ADAMTS3: variants seen among roughly 807,000 people sequenced by gnomAD.
ADAMTS3 encodes the protein ADAM metallopeptidase with thrombospondin type 1 motif 3, also known as A disintegrin and metalloproteinase with thrombospondin motifs 3.
Under a neutral mutation model 129.0 loss-of-function variants are expected in ADAMTS3, and 73 were observed. The ratio of observed to expected loss-of-function variants is 0.57; its 90% CI spans 0.47 to 0.69. The LOEUF is 0.69. Ranked by LOEUF, ADAMTS3 falls within the 30% of genes least tolerant of loss-of-function variation. ADAMTS3 has a pLI of 0.00. For synonymous variants in ADAMTS3, 477 were observed against 510.8 expected, an observed-to-expected ratio of 0.93 and a Z score of 0.89; for missense variants, 1,457 against 1,514.5, an observed-to-expected ratio of 0.96 and a Z score of 0.63.
chr4:72,470,568 T>A (rs1719046643), intron 3 of ADAMTS3, among the ~76,000 whole-genome samples: 1 of 151,902 alleles, frequency 6.6e-6, no homozygotes, highest in Admixed American at 6.6e-5. Context: ...TCTCGAAATT[T>A]AACCTGTGAA....
chr4:72,513,792 A>G (rs1720378977), intron 3 of ADAMTS3, among the ~76,000 whole-genome samples: 1 of 152,136 alleles, frequency 6.6e-6, no homozygotes, highest in Non-Finnish European at 1.5e-5. Context: ...TCACCCACAT[A>G]GAGAACATTG....
At chr4:72,387,869 C>CA (rs138949703) in intron 4 of ADAMTS3, among the ~76,000 whole-genome samples, 13,380 of 146,336 alleles carry the variant, frequency 0.091, 1,156 homozygotes, top group Admixed American at 0.23. Context: ...TAACAAAAGA[C>CA]AAAAAAAAAA....
chr4:72,538,829 G>T lies in ADAMTS3; in HGVS notation c.504+9649C>A, dbSNP rs1721245922. ...CTAAAGATAAACATATGCAGCAGTG[G>T]AATAGAATAGAAAGTCCAGAAATAA... On this transcript the variant is annotated intron_variant, in intron 3 of 21. Transcript: ENST00000286657. Among the ~76,000 whole-genome samples the T allele has an allele frequency of 1.3e-5, 2 of 152,060 alleles. 1 individual carries two copies. Among genetic ancestry groups the T allele is most frequent in the African/African-American group, 4.8e-5 (2 of 41,396 alleles).
intron 3 of ADAMTS3, among the ~76,000 whole-genome samples, chr4:72,419,894 A>T (rs1312503842): frequency 2.0e-5 from 3 of 152,164 alleles, no homozygotes; most frequent in African/African-American, 7.2e-5. Flanking sequence ...AAATAAATAA[A>T]AAAGAATGTT....
chr4:72,460,075 G>A (rs1718721292), intron 3 of ADAMTS3, among the ~76,000 whole-genome samples: 1 of 151,364 alleles, frequency 6.6e-6, no homozygotes, highest in Admixed American at 6.6e-5. Flanking sequence ...TTCCCAACCT[G>A]CACTACATAT....
chr4:72,377,394 A>T (rs1474351165), intron 4 of ADAMTS3, among the ~76,000 whole-genome samples: 1 of 152,146 alleles, frequency 6.6e-6, no homozygotes, highest in Admixed American at 6.6e-5. Context: ...GAAATAGGGG[A>T]AAACGGAGAA....
chr4:72,495,542 A>G (rs538732647), intron 3 of ADAMTS3, among the ~76,000 whole-genome samples: 1 of 152,336 alleles, frequency 6.6e-6, no homozygotes, highest in South Asian at 2.1e-4. Context: ...AAAGAAAAAA[A>G]GAGACATTAT....
At position 72,552,825 on chromosome 4, in the gene ADAMTS3, C is replaced by A. The variant is rs539386745; in HGVS notation, c.98-3941G>T. On this transcript the variant is annotated intron_variant, in intron 2 of 21. Coordinates refer to ENST00000286657, the MANE Select transcript of ADAMTS3 (RefSeq NM_014243.3). ...GAAGTCTTTCCTGACCACTAGCAACCATTTTACCCTCTGTCCCCCTTCTGT... is the reference window on the plus strand; with the variant it reads ...GAAGTCTTTCCTGACCACTAGCAACAATTTTACCCTCTGTCCCCCTTCTGT... Among the ~76,000 whole-genome samples the A allele has an allele frequency of 7.9e-5, 12 of 152,258 alleles. No homozygotes were observed. In the East Asian group the frequency reaches 2.1e-3, roughly 27 times the overall value.
At chr4:72,345,794 GA>G (rs1307396141) in intron 4 of ADAMTS3, among the ~76,000 whole-genome samples, 2 of 151,916 alleles carry the variant, frequency 1.3e-5, no homozygotes, top group Admixed American at 6.6e-5. Context: ...ACCTTTTAAG[GA>G]AAAAAATGTT....
In ADAMTS3 at chr4:72,555,739, G is replaced by A. The variant is rs775582589; in HGVS notation, c.98-6855C>T. Among the ~76,000 whole-genome samples the A allele has an allele frequency of 5.3e-5, 8 of 151,760 alleles. No individual in the cohort carries two copies. The Middle Eastern group carries it at 0.014, about 258-fold the overall frequency. On this transcript the variant is annotated intron_variant, in intron 2 of 21. Coordinates refer to ENST00000286657, the MANE Select transcript of ADAMTS3 (RefSeq NM_014243.3). ...TCTCATGTCAAATTGTAATCTCCACGTGTTAGAGGAGGAGCCTGGTGGGGG... is the reference window on the plus strand; with the variant it reads ...TCTCATGTCAAATTGTAATCTCCACATGTTAGAGGAGGAGCCTGGTGGGGG...
chr4:72,503,999 GAGAT>G (rs1720090608), intron 3 of ADAMTS3, among the ~76,000 whole-genome samples: 1 of 152,162 alleles, frequency 6.6e-6, no homozygotes. Context: ...CATTATGTGT[GAGAT>G]AGGTCTCTTG....
At chr4:72,557,964 G>A (rs1371885133) in intron 2 of ADAMTS3, among the ~76,000 whole-genome samples, 4 of 151,790 alleles carry the variant, frequency 2.6e-5, no homozygotes, top group East Asian at 1.9e-4. Flanking sequence ...TTACAGACTC[G>A]AGAGCTATGT....
At chr4:72,369,245 C>A (rs1040724530) in intron 4 of ADAMTS3, among the ~76,000 whole-genome samples, 9 of 152,212 alleles carry the variant, frequency 5.9e-5, no homozygotes, top group Non-Finnish European at 8.8e-5. Flanking sequence ...AGAAATTAAA[C>A]CCCTTACCCA....
intron 3 of ADAMTS3, among the ~76,000 whole-genome samples, chr4:72,481,058 C>T (rs1452060077): frequency 6.6e-6 from 1 of 151,764 alleles, no homozygotes; most frequent in African/African-American, 2.4e-5. Flanking sequence ...AATCAAAGAC[C>T]TAAATAAAGG....
At chr4:72,455,348 A>C (rs1718518057) in intron 3 of ADAMTS3, among the ~76,000 whole-genome samples, 1 of 151,686 alleles carries the variant, frequency 6.6e-6, no homozygotes, top group Non-Finnish European at 1.5e-5. Flanking sequence ...GCTGGAAACC[A>C]TCATTCTCAG....
At chr4:72,426,021 C>G (rs1486325690) in intron 3 of ADAMTS3, among the ~76,000 whole-genome samples, 1 of 152,168 alleles carries the variant, frequency 6.6e-6, no homozygotes, top group East Asian at 1.9e-4. Context: ...TTAATGATTG[C>G]CATTCTAACC....
chr4:72,369,991 G>C (rs1720963647), intron 4 of ADAMTS3, among the ~76,000 whole-genome samples: 2 of 152,212 alleles, frequency 1.3e-5, no homozygotes, highest in Admixed American at 6.5e-5. Context: ...AGAATGGGTT[G>C]TGTGAGCCCT....
intron 4 of ADAMTS3, among the ~76,000 whole-genome samples, chr4:72,413,216 G>A (rs1198177091): frequency 6.6e-6 from 1 of 151,958 alleles, no homozygotes; most frequent in Non-Finnish European, 1.5e-5. Flanking sequence ...TATGACAGAT[G>A]GACCTGATGG....
intron 11 of ADAMTS3, among the ~76,000 whole-genome samples, chr4:72,314,875 C>G (rs1278213298): frequency 6.6e-6 from 1 of 152,094 alleles, no homozygotes; most frequent in African/African-American, 2.4e-5. Flanking sequence ...AAGTAAATGC[C>G]ATATAAATCT....
Sources: allele counts gnomAD v4.1 joint callset (sites outside exome capture counted in the v4.1 genomes callset), GRCh38; gene constraint gnomAD v4.1.1; transcripts MANE v1.5; gene names NCBI Gene and HGNC (gene_info 2026-07-23, HGNC 2026-07-21).